Variants in FBN1 observed in about 807,000 individuals in gnomAD.
FBN1 encodes fibrillin-1.
A neutral mutation model predicts 365.1 loss-of-function variants in FBN1; 29 were observed. That is an observed-to-expected ratio of 0.08 (90% CI 0.06 to 0.11). The LOEUF is 0.11. FBN1 is among the 10% of genes least tolerant of loss of function. The pLI is 1.00. For missense variants in FBN1, 2,476 were observed against 3,703.2 expected, an observed-to-expected ratio of 0.67 and a Z score of 8.60; for synonymous variants, 1,210 against 1,270.5, an observed-to-expected ratio of 0.95 and a Z score of 1.01.
intron 17 of FBN1, among the ~76,000 whole-genome samples, chr15:48,500,671 C>A (rs1175692907): frequency 6.6e-6 from 1 of 152,146 alleles, no homozygotes; most frequent in Admixed American, 6.5e-5. Flanking sequence ...CATGAGGGAT[C>A]CATGAGAAAA....
At chr15:48,603,491 C>G (rs769051537) in intron 4 of FBN1, among the ~76,000 whole-genome samples, 1 of 152,162 alleles carries the variant, frequency 6.6e-6, no homozygotes, top group South Asian at 2.1e-4. Context: ...TCACTGTACA[C>G]GCAGGAAATA....
intron 6 of FBN1, among the ~76,000 whole-genome samples, chr15:48,576,710 C>T (rs1003409071): frequency 9.9e-5 from 15 of 152,210 alleles, no homozygotes; most frequent in Non-Finnish European, 2.2e-4. Flanking sequence ...TCACACACCA[C>T]TCTTGTAGCT....
chr15:48,536,352 C>G (rs1460444581), intron 7 of FBN1, among the ~76,000 whole-genome samples: 1 of 152,162 alleles, frequency 6.6e-6, no homozygotes, highest in East Asian at 1.9e-4. Flanking sequence ...TCCCCACCCC[C>G]CCAATTCCAT....
At chr15:48,437,483 C>T in intron 51 of FBN1, 96 bp from the exon 52 acceptor site, 1 of 1,091,562 alleles carries the variant, frequency 9.2e-7, no homozygotes, top group Non-Finnish European at 1.4e-6. Context: ...ACATGCTGTG[C>T]ATATTGATAA....
At chr15:48,445,596 T>C (rs2043152718) in intron 47 of FBN1, 92 bp from the exon 48 acceptor site, 2 of 1,474,040 alleles carry the variant, frequency 1.4e-6, no homozygotes, top group East Asian at 4.7e-5. Flanking sequence ...AAATACTTTT[T>C]CTGAATTTTA....
At chr15:48,619,937 G>T (rs772122485) in intron 2 of FBN1, among the ~76,000 whole-genome samples, 1 of 151,160 alleles carries the variant, frequency 6.6e-6, no homozygotes, top group South Asian at 2.1e-4. Context: ...TACATGCTTC[G>T]ACCTATATGA....
At chr15:48,422,372 C>T (rs925738819) in intron 60 of FBN1, among the ~76,000 whole-genome samples, 2 of 152,136 alleles carry the variant, frequency 1.3e-5, no homozygotes, top group East Asian at 1.9e-4. Flanking sequence ...TAAATCATGA[C>T]ATTTTAAACA....
At chr15:48,559,579 G>A (rs765664462) in intron 6 of FBN1, among the ~76,000 whole-genome samples, 2 of 152,098 alleles carry the variant, frequency 1.3e-5, no homozygotes, top group Admixed American at 6.6e-5. Flanking sequence ...TACTTACCTC[G>A]CCTGTGTCTA....
chr15:48,569,360 T>C (rs1348692042), intron 6 of FBN1, among the ~76,000 whole-genome samples: 3 of 152,122 alleles, frequency 2.0e-5, no homozygotes, highest in South Asian at 2.1e-4. Flanking sequence ...CCCTCACTCA[T>C]TGTTTAATGG....
chr15:48,626,076 C>T (rs1374026871), intron 2 of FBN1, among the ~76,000 whole-genome samples: 1 of 151,788 alleles, frequency 6.6e-6, no homozygotes, highest in Non-Finnish European at 1.5e-5. Context: ...GGCAACATAG[C>T]GAGAATCTAT....
chr15:48,497,520 G>A (rs2043618536), intron 18 of FBN1, 129 bp from the exon 19 acceptor site: 5 of 825,046 alleles, frequency 6.1e-6, no homozygotes, highest in Middle Eastern at 3.5e-4. Context: ...CGATTTCACT[G>A]GAAAGAGAAC....
chr15:48,490,505 C>A (rs2043549102), intron 24 of FBN1, among the ~76,000 whole-genome samples: 1 of 152,188 alleles, frequency 6.6e-6, no homozygotes, highest in Admixed American at 6.5e-5. Flanking sequence ...AGTGCAATCA[C>A]CTTTTCCTCC....
chr15:48,523,018 T>G (rs1311191424), intron 9 of FBN1, among the ~76,000 whole-genome samples: 1 of 152,210 alleles, frequency 6.6e-6, no homozygotes, highest in Non-Finnish European at 1.5e-5. Flanking sequence ...ACCTCCCCCG[T>G]CAAGAGGGCA....
chr15:48,584,061 T>C (rs980535993), intron 6 of FBN1, among the ~76,000 whole-genome samples: 1 of 152,200 alleles, frequency 6.6e-6, no homozygotes, highest in Non-Finnish European at 1.5e-5. Flanking sequence ...CATTTCATGA[T>C]ACTGTTAATG....
In FBN1 at chr15:48,537,690, G is replaced by T. The variant is rs774754863; in HGVS notation, c.657C>A (p.His219Gln). The change falls in exon 7 of 66, where the codon CAC (histidine) becomes CAA (glutamine). Residue 219 changes from histidine to glutamine, a missense_variant. This residue lies in a region of FBN1 where 421 missense variants were observed against 520.1 expected (regional missense o/e 0.81). Coordinates refer to ENST00000316623, the MANE Select transcript of FBN1 (RefSeq NM_000138.5). ...GCTGGGCAGGACACATCTCACAGGGGTGGCCCCAGGCTCGGCCGACTGTGG... is the reference window on the plus strand; with the variant it reads ...GCTGGGCAGGACACATCTCACAGGGTTGGCCCCAGGCTCGGCCGACTGTGG... ...CCATVGRAWG[H>Q]PCEMCPAQPH... is the part of the protein sequence containing the mutation. 3 of 1,614,228 alleles carry T rather than the reference G, an allele frequency of 1.9e-6. No homozygotes were observed. Among genetic ancestry groups the T allele is most frequent in the African/African-American group, 1.3e-5 (1 of 75,046 alleles).
At chr15:48,544,513 T>C (rs189987766) in intron 6 of FBN1, among the ~76,000 whole-genome samples, 24 of 152,324 alleles carry the variant, frequency 1.6e-4, no homozygotes, top group Admixed American at 1.2e-3. Flanking sequence ...AAATGAAAAG[T>C]ATTACCACTA....
At chr15:48,602,647 T>C (rs1444439983) in intron 4 of FBN1, among the ~76,000 whole-genome samples, 2 of 152,148 alleles carry the variant, frequency 1.3e-5, no homozygotes, top group Non-Finnish European at 2.9e-5. Flanking sequence ...AACTCCTTTG[T>C]TGGAGTAATG....
chr15:48,437,495 T>C (rs1314625304), intron 51 of FBN1, 108 bp from the exon 52 acceptor site: 3 of 1,044,128 alleles, frequency 2.9e-6, no homozygotes, highest in Non-Finnish European at 2.9e-6. Flanking sequence ...TATTGATAAA[T>C]GATGGAAAAA....
intron 50 of FBN1, among the ~76,000 whole-genome samples, chr15:48,438,790 C>T (rs1487959449): frequency 6.6e-6 from 1 of 152,150 alleles, no homozygotes; most frequent in African/African-American, 2.4e-5. Flanking sequence ...ATTTTGGAAA[C>T]GGGCTTTTCC....
Sources: gnomAD v4.1 joint callset for allele counts (sites outside exome capture counted in the v4.1 genomes callset) on GRCh38, gnomAD v4.1.1 for gene constraint, gnomAD v4.1.1 regional missense constraint, MANE v1.5 for transcripts, NCBI Gene and HGNC (gene_info 2026-07-23, HGNC 2026-07-21) for gene names.